MET: variants seen among roughly 807,000 people sequenced by gnomAD.
MET encodes MET proto-oncogene, receptor tyrosine kinase, also known as hepatocyte growth factor receptor.
Under a neutral mutation model 133.1 loss-of-function variants are expected in MET, and 48 were observed. The ratio of observed to expected loss-of-function variants is 0.36; its 90% confidence interval spans 0.29 to 0.46. MET has a LOEUF of 0.46. Ranked by LOEUF, MET falls within the 20% of genes least tolerant of loss-of-function variation. The pLI is 1.00. For synonymous variants in MET, 628 were observed against 616.5 expected, an observed-to-expected ratio of 1.02 and a Z score of -0.28; for missense variants, 1,442 against 1,695.9, an observed-to-expected ratio of 0.85 and a Z score of 2.63.
intron 3 of MET, 120 bp downstream of exon 3, chr7:116,731,979 GAAC>G (rs1402663467): frequency 4.1e-6 from 4 of 965,152 alleles, no homozygotes; most frequent in African/African-American, 1.6e-5. Flanking sequence ...GTAGAAACTG[GAAC>G]ACAGACTGAA....
chr7:116,704,480 G>T (rs1026307052), intron 2 of MET, among the ~76,000 whole-genome samples: 2 of 152,116 alleles, frequency 1.3e-5, no homozygotes, highest in Non-Finnish European at 2.9e-5. Flanking sequence ...TTATTGTAAG[G>T]AATACTTGCG....
At chr7:116,744,813 G>A (rs1009302062) in intron 5 of MET, among the ~76,000 whole-genome samples, 7 of 152,078 alleles carry the variant, frequency 4.6e-5, no homozygotes, top group African/African-American at 1.4e-4. Context: ...ACCCACAAAG[G>A]GAAGCCCATC....
intron 2 of MET, among the ~76,000 whole-genome samples, chr7:116,714,212 G>T (rs1792108090): frequency 6.6e-6 from 1 of 152,134 alleles, no homozygotes; most frequent in African/African-American, 2.4e-5. Flanking sequence ...AGAAGCAAAA[G>T]TTTTAACACT....
chr7:116,755,685 C>T (rs1014729224), intron 6 of MET, among the ~76,000 whole-genome samples, 170 bp downstream of exon 6: 1 of 152,132 alleles, frequency 6.6e-6, no homozygotes, highest in Non-Finnish European at 1.5e-5. Context: ...ATCCCATTTA[C>T]TCATTGGATT....
rs1413209214 is a variant in MET at position 116,771,854 on chromosome 7, G to A, written c.2893G>A (p.Gly965Ser). The A allele has an allele frequency of 6.2e-7, 1 of 1,613,700 alleles. No individual in the cohort carries two copies. Among genetic ancestry groups the A allele is most frequent in the Non-Finnish European group, 8.5e-7 (1 of 1,179,822 alleles). Residue 965 changes from glycine (G) to serine (S), a missense_variant, in exon 14 of 21, where the codon GGC becomes AGC. By Grantham distance (56) the Gly-to-Ser change is moderately conservative (BLOSUM62 0). This residue lies in a region of MET where 514 missense variants were observed against 659.6 expected (regional missense o/e 0.78). Transcript: ENST00000397752. Reference protein sequence around the residue: ...LKKRKQIKDLGSELVRYDARV... With the variant: ...LKKRKQIKDLSSELVRYDARV... The stretch of plus-strand genomic sequence containing the variant: ...TTCTTTCTCTCTGTTTTAAGATCTG[G>A]GCAGTGAATTAGTTCGCTACGATGC...
Position 116,789,698 on chromosome 7 carries a change from A to G in MET, c.3799-5957A>G, listed in dbSNP as rs559104396. ...ATGAGTCTGTCTCCTTTTACTTCGC[A>G]TATTACATTTGAGAGCCATCCATGT... On this transcript the variant is annotated intron_variant, in intron 19 of 20. Transcript: ENST00000397752. 2.0e-5 allele frequency among the ~76,000 whole-genome samples: 3 copies of G among 152,332 alleles called. No individual in the cohort carries two copies. In the South Asian group the frequency reaches 6.2e-4, roughly 32 times the overall value.
rs1584875601 is a variant in MET at position 116,699,115 on chromosome 7, A to G, written c.31A>G (p.Ile11Val). The G allele has an allele frequency of 6.2e-7, 1 of 1,613,914 alleles. No individual in the cohort carries two copies. The highest frequency in any genetic ancestry group is 8.5e-7 in the Non-Finnish European group (1 of 1,179,862). The change falls in exon 2 of 21, where the codon ATC (isoleucine) becomes GTC (valine). Residue 11 changes from isoleucine (I) to valine (V), a missense_variant. Around this residue, in one of 6 missense-constraint regions of MET, gnomAD observed 762 missense variants for 792.4 expected, o/e 0.96. Transcript: ENST00000397752. The part of the protein sequence containing the change: MKAPAVLAPG[I>V]LVLLFTLVQR... Reference sequence around the variant, plus strand: ...GGCCCCCGCTGTGCTTGCACCTGGCATCCTCGTGCTCCTGTTTACCTTGGT... The same window carrying G: ...GGCCCCCGCTGTGCTTGCACCTGGCGTCCTCGTGCTCCTGTTTACCTTGGT...
At chr7:116,706,472 C>T (rs774914492) in intron 2 of MET, among the ~76,000 whole-genome samples, 1 of 152,036 alleles carries the variant, frequency 6.6e-6, no homozygotes, top group Non-Finnish European at 1.5e-5. Flanking sequence ...ACATGATTAG[C>T]GATTTCTGGA....
chr7:116,785,779 G>A (rs1795293005), intron 19 of MET, among the ~76,000 whole-genome samples: 1 of 152,206 alleles, frequency 6.6e-6, no homozygotes, highest in Admixed American at 6.5e-5. Context: ...GGTAGAATCA[G>A]AAGTATTTAC....
intron 19 of MET, among the ~76,000 whole-genome samples, chr7:116,791,562 G>T (rs1055451166): frequency 6.6e-6 from 1 of 151,978 alleles, no homozygotes; most frequent in African/African-American, 2.4e-5. Flanking sequence ...TATTAATTTA[G>T]TTAGGGTTTA....
intron 1 of MET, among the ~76,000 whole-genome samples, chr7:116,698,686 T>C (rs948761716): frequency 6.6e-6 from 1 of 152,228 alleles, no homozygotes; most frequent in African/African-American, 2.4e-5. Context: ...AAAGTTTAAA[T>C]ATCAACCTAG....
rs371636777 is a variant in MET at position 116,743,806 on chromosome 7, G to T, written c.1701+2781G>T. On this transcript the variant is annotated intron_variant, in intron 5 of 20. Coordinates refer to ENST00000397752, the MANE Select transcript of MET (RefSeq NM_000245.4). ...GAGAGCTCTGGCTGGCATCTGGTGG[G>T]TGCCCCTCTAGGATGAAGCTTCCAG... Among the ~76,000 whole-genome samples the T allele has an allele frequency of 2.3e-4, 35 of 152,270 alleles. No individual in the cohort carries two copies. In the East Asian group the frequency reaches 5.8e-3, roughly 25 times the overall value.
intron 19 of MET, among the ~76,000 whole-genome samples, chr7:116,795,104 A>C (rs1457348805): frequency 6.6e-6 from 1 of 152,178 alleles, no homozygotes; most frequent in Admixed American, 6.5e-5. Context: ...ATTAATTTTC[A>C]ATAGAGAAAC....
intron 5 of MET, among the ~76,000 whole-genome samples, chr7:116,752,444 C>A (rs538538299): frequency 6.6e-6 from 1 of 152,200 alleles, no homozygotes; most frequent in Admixed American, 6.5e-5. Flanking sequence ...GGCTTTATGC[C>A]GGACGCTCAT....
intron 19 of MET, among the ~76,000 whole-genome samples, 177 bp from the exon 20 acceptor site, chr7:116,795,478 G>A (rs1795639756): frequency 6.6e-6 from 1 of 152,110 alleles, no homozygotes; most frequent in African/African-American, 2.4e-5. Flanking sequence ...AACCTTACTT[G>A]TTTAAACAAG....
At chr7:116,774,528 G>A (rs1016552377) in intron 14 of MET, among the ~76,000 whole-genome samples, 10 of 152,146 alleles carry the variant, frequency 6.6e-5, no homozygotes, top group African/African-American at 2.4e-4. Context: ...TTATATTTGA[G>A]CTGGATTTTT....
At chr7:116,705,768 T>G (rs1791765852) in intron 2 of MET, among the ~76,000 whole-genome samples, 1 of 152,158 alleles carries the variant, frequency 6.6e-6, no homozygotes, top group African/African-American at 2.4e-5. Context: ...TACTTCATCC[T>G]CTCATAGGCT....
intron 1 of MET, chr7:116,695,936 G>C (rs1259699848): frequency 4.5e-6 from 1 of 220,420 alleles, no homozygotes; most frequent in African/African-American, 2.3e-5. Context: ...CCAGTGGCAC[G>C]ATCTTGGCTC....
intron 2 of MET, among the ~76,000 whole-genome samples, chr7:116,728,042 A>T (rs1452325741): frequency 2.0e-5 from 3 of 152,202 alleles, no homozygotes; most frequent in Non-Finnish European, 4.4e-5. Context: ...CTCCATAGGA[A>T]GACACAAGGA....
Sources: allele counts gnomAD v4.1 joint callset (sites outside exome capture counted in the v4.1 genomes callset), GRCh38; gene constraint gnomAD v4.1.1; regional missense constraint gnomAD v4.1.1; transcripts MANE v1.5; gene names NCBI Gene and HGNC (gene_info 2026-07-23, HGNC 2026-07-21).